The following SPIB variants were observed in gnomAD, a reference collection of about 807,000 sequenced individuals.
SPIB encodes transcription factor Spi-B.
A neutral mutation model predicts 31.9 loss-of-function variants in SPIB; 7 were observed. The ratio of observed to expected loss-of-function variants is 0.22; its 90% CI spans 0.12 to 0.41. The LOEUF (loss-of-function observed/expected upper bound fraction) is 0.41, where lower values mean the gene tolerates loss of function less well. Among genes scored for constraint, SPIB ranks in the 10% least tolerant of loss-of-function variants. SPIB has a pLI of 1.00. For synonymous variants in SPIB, 176 were observed against 158.9 expected (o/e 1.11, Z -0.81); for missense variants, 327 against 360.2 (o/e 0.91, Z 0.75).
chr19:50,428,018 T>G lies in SPIB; in HGVS notation c.491-20T>G. On this transcript the variant is annotated intron_variant, in intron 5 of 5. Coordinates refer to ENST00000595883, the MANE Select transcript of SPIB (RefSeq NM_003121.5). This position sits in a 1 kb window ranked among gnomAD's most constrained non-coding sequence, Gnocchi z 6.5. ...CCTTAGGGACCCCTCACCTAACGCG[T>G]GCCCCCGACCCCACCGCAGGGACTC... is the stretch of plus-strand genomic sequence containing the variant. 1 of 1,482,714 alleles carries G rather than the reference T, an allele frequency of 6.7e-7. No individual in the cohort carries two copies. Among genetic ancestry groups the G allele is most frequent in the Non-Finnish European group, 9.0e-7 (1 of 1,109,862 alleles). The allele number at this position is 1,482,714 out of a possible 1,614,324, so 91.8% of individuals were successfully genotyped here.
chr19:50,422,234 G>A (rs545161125), intron 2 of SPIB, among the ~76,000 whole-genome samples: 51 of 152,322 alleles, frequency 3.3e-4, no homozygotes, highest in East Asian at 1.5e-3. Context: ...GGAGCCCACC[G>A]TCTTAGCAGG....
In SPIB at chr19:50,428,395, C is replaced by G; in HGVS notation, c.*59C>G. 1 of 1,467,440 alleles carries G rather than the reference C, an allele frequency of 6.8e-7. No individual in the cohort carries two copies. The highest frequency in any genetic ancestry group is 2.5e-5 in the Admixed American group (1 of 39,446). 90.9% of individuals were successfully genotyped at this position (1,467,440 alleles called of 1,614,324 possible). The stretch of plus-strand genomic sequence containing the variant: ...GGGGACCTCACGTCCCAGCCAGGAT[C>G]CCCCTGGAAGAAAAAGGGCGTCCCC... On this transcript the variant is annotated 3_prime_UTR_variant, in exon 6 of 6. Transcript: ENST00000595883. This position sits in a 1 kb window ranked among gnomAD's most constrained non-coding sequence, Gnocchi z 6.5.
At chr19:50,427,246 C>T (rs1414147150) in intron 5 of SPIB, among the ~76,000 whole-genome samples, 2 of 151,658 alleles carry the variant, frequency 1.3e-5, no homozygotes, top group African/African-American at 4.8e-5. Context: ...AGTTATTGGC[C>T]GGGCGCAGTG....
intron 5 of SPIB, among the ~76,000 whole-genome samples, chr19:50,425,029 C>T (rs1429381442): frequency 6.6e-6 from 1 of 151,962 alleles, no homozygotes; most frequent in Non-Finnish European, 1.5e-5. Flanking sequence ...TTTTTTGAGA[C>T]AGAGTCTCGC....
Position 50,422,475 on chromosome 19 carries a change from C to A in SPIB, c.54C>A (p.Tyr18Ter). ...QLDGPHFSCL[Y>*]PDGVFYDLDS... ...TTCCCTCCTGCACCCCGTATCAGTA[C>A]CCAGATGGCGTCTTCTATGACCTGG... Residue 18 changes from tyrosine to a stop codon, truncating the protein, a stop_gained and splice_region_variant, in exon 3 of 6, where the codon TAC (tyrosine) becomes TAA (stop). Coordinates refer to ENST00000595883, the MANE Select transcript of SPIB (RefSeq NM_003121.5). LOFTEE classifies it high-confidence loss of function. 3 of 1,613,954 alleles carry A rather than the reference C, an allele frequency of 1.9e-6. No individual in the cohort carries two copies. The highest frequency in any genetic ancestry group is 2.5e-6 in the Non-Finnish European group (3 of 1,179,888).
At chr19:50,427,726 C>G (rs536422184) in intron 5 of SPIB, among the ~76,000 whole-genome samples, 2 of 152,266 alleles carry the variant, frequency 1.3e-5, no homozygotes, top group East Asian at 1.9e-4. Context: ...CTTTCATCCA[C>G]TAGCTCAACA....
chr19:50,426,231 C>T (rs549562669), intron 5 of SPIB, among the ~76,000 whole-genome samples: 1 of 151,852 alleles, frequency 6.6e-6, no homozygotes, highest in East Asian at 1.9e-4. Flanking sequence ...TAAATAAATA[C>T]TTGGTGGGTT....
intron 5 of SPIB, among the ~76,000 whole-genome samples, chr19:50,426,275 G>A (rs943011803): frequency 6.6e-6 from 1 of 152,074 alleles, no homozygotes; most frequent in East Asian, 1.9e-4. Context: ...AGGAGGTCAC[G>A]CTGTGCCTGA....
At chr19:50,422,704 T>C (rs2122546106) in intron 3 of SPIB, 119 bp from the exon 4 acceptor site, 2 of 1,079,008 alleles carry the variant, frequency 1.9e-6, no homozygotes, top group East Asian at 2.4e-5. Context: ...CGCTCCTCCA[T>C]GCAAATCCTG....
intron 2 of SPIB, among the ~76,000 whole-genome samples, chr19:50,420,340 T>A (rs1019505548): frequency 2.0e-5 from 3 of 152,214 alleles, no homozygotes; most frequent in Non-Finnish European, 2.9e-5. Context: ...AATCAAATCT[T>A]ACTGATGTGG....
chr19:50,424,800 G>T (rs2039544930), intron 5 of SPIB, among the ~76,000 whole-genome samples: 1 of 143,728 alleles, frequency 7.0e-6, no homozygotes, highest in Non-Finnish European at 1.5e-5. Context: ...AAAAAAGAAA[G>T]AAAAAAAAAT....
At chr19:50,420,584 T>G (rs989014333) in intron 2 of SPIB, among the ~76,000 whole-genome samples, 2 of 152,248 alleles carry the variant, frequency 1.3e-5, no homozygotes, top group Non-Finnish European at 2.9e-5. Flanking sequence ...TACCTTTCTC[T>G]GATATTTTCC....
intron 2 of SPIB, among the ~76,000 whole-genome samples, chr19:50,420,625 C>CT (rs1416052303): frequency 6.6e-6 from 1 of 152,006 alleles, no homozygotes; most frequent in African/African-American, 2.4e-5. Context: ...TTTGCCTGCT[C>CT]TTTTTTTTGT....
intron 2 of SPIB, among the ~76,000 whole-genome samples, chr19:50,420,526 C>T (rs943059715): frequency 2.0e-5 from 3 of 152,164 alleles, no homozygotes; most frequent in Admixed American, 6.5e-5. Context: ...ATCAAGATAC[C>T]GAACATTTCA....
At position 50,428,588 on chromosome 19, in the gene SPIB, T is replaced by TG. The variant is rs2039600586; in HGVS notation, c.*255dup. ...CAGACTCCCTGGGATCCTCATGTTT[T>TG]GGGTGACAGGACCTATGGACCACTA... On this transcript the variant is annotated 3_prime_UTR_variant, in exon 6 of 6. Transcript: ENST00000595883. The surrounding 1 kb of genome is among the most constrained non-coding windows in gnomAD (Gnocchi z 6.5). 2 of 465,274 alleles carry TG rather than the reference T, an allele frequency of 4.3e-6. No individual in the cohort carries two copies. Among genetic ancestry groups the TG allele is most frequent in the Non-Finnish European group, 7.6e-6 (2 of 264,368 alleles). The allele number at this position is 465,274 out of a possible 1,614,324, so 28.8% of individuals were successfully genotyped here. A position where few individuals can be genotyped will look rare whatever the true frequency, so the allele number is the denominator to read the frequency against.
In SPIB at chr19:50,431,134, G is replaced by A. The variant is rs2039636357; in HGVS notation, c.*2798G>A. 1 of 152,212 alleles carries A rather than the reference G, an allele frequency of 6.6e-6. No homozygotes were observed. The highest frequency in any genetic ancestry group is 2.1e-4 in the South Asian group (1 of 4,828). The allele number at this position is 152,212 out of a possible 1,614,324, so 9.4% of individuals were successfully genotyped here. A position where few individuals can be genotyped will look rare whatever the true frequency, so the allele number is the denominator to read the frequency against. On this transcript the variant is annotated 3_prime_UTR_variant, in exon 6 of 6. Transcript: ENST00000595883. ...GCTCTCAGAGACACCGTGACATCAC[G>A]GGTGATGATGAGAGGAGTTCAAAGA...
chr19:50,427,354 G>A (rs913546993), intron 5 of SPIB, among the ~76,000 whole-genome samples: 14 of 152,048 alleles, frequency 9.2e-5, no homozygotes, highest in Middle Eastern at 3.2e-3. Flanking sequence ...GCGAAACCCC[G>A]TCTCTACTAA....
chr19:50,423,330 C>T (rs1030032930), intron 4 of SPIB: 32 of 515,218 alleles, frequency 6.2e-5, no homozygotes, highest in Middle Eastern at 4.9e-4. Flanking sequence ...TCCCAGGTTA[C>T]GTTCCGTTGT....
chr19:50,419,126 C>A, intron 1 of SPIB, 141 bp downstream of exon 1: 3 of 951,828 alleles, frequency 3.2e-6, no homozygotes, highest in African/African-American at 1.6e-5. Context: ...CTGTCTCTTG[C>A]CCCTTCTGGT....
Sources: allele counts gnomAD v4.1 joint callset (sites outside exome capture counted in the v4.1 genomes callset), GRCh38; gene constraint gnomAD v4.1.1; non-coding constraint Gnocchi (gnomAD v3.1); transcripts MANE v1.5; gene names NCBI Gene and HGNC (gene_info 2026-07-23, HGNC 2026-07-21).